Variants in SMAD2 observed in about 807,000 individuals in gnomAD.
SMAD2 encodes MAD homolog 2.
SMAD2 carries 8 observed loss-of-function variants against 64.4 expected under a neutral mutation model. The ratio of observed to expected loss-of-function variants is 0.12; its 90% CI spans 0.07 to 0.22. The LOEUF is 0.22. Ranked by LOEUF, SMAD2 falls within the 10% of genes least tolerant of loss-of-function variation. The pLI, the probability that SMAD2 is intolerant of heterozygous loss-of-function variation, is 1.00. For missense variants in SMAD2, 289 were observed against 561.2 expected (o/e 0.51, Z 4.90); for synonymous variants, 203 against 195.8 (o/e 1.04, Z -0.31).
chr18:47,891,299 C>CT (rs1264834166), intron 2 of SMAD2, among the ~76,000 whole-genome samples: 24 of 152,260 alleles, frequency 1.6e-4, no homozygotes, highest in East Asian at 1.2e-3. Flanking sequence ...GAGCAAAACT[C>CT]TGTCTCGTTT....
intron 6 of SMAD2, among the ~76,000 whole-genome samples, chr18:47,862,528 A>AT (rs1411242778): frequency 1.3e-5 from 2 of 152,204 alleles, no homozygotes; most frequent in African/African-American, 4.8e-5. Context: ...TTCATATAGC[A>AT]CATTCCTCCC....
intron 1 of SMAD2, among the ~76,000 whole-genome samples, chr18:47,928,795 C>T (rs775697623): frequency 6.6e-5 from 10 of 152,182 alleles, no homozygotes; most frequent in Non-Finnish European, 1.3e-4. Flanking sequence ...CAATTTCTTA[C>T]TAAAACCCCA....
chr18:47,918,917 G>A (rs1237427326), intron 1 of SMAD2, among the ~76,000 whole-genome samples: 1 of 152,086 alleles, frequency 6.6e-6, no homozygotes, highest in African/African-American at 2.4e-5. Context: ...CAGAGTAGGG[G>A]AGTCAAATAG....
Position 47,816,738 on chromosome 18 carries a change from C to G in SMAD2, c.*25089G>C, listed in dbSNP as rs1388925538. The G allele has an allele frequency of 6.6e-6, 1 of 151,242 alleles. No individual in the cohort carries two copies. Among genetic ancestry groups the G allele is most frequent in the Non-Finnish European group, 1.5e-5 (1 of 67,904 alleles). 9.4% of individuals were successfully genotyped at this position (151,242 alleles called of 1,614,324 possible). A position where few individuals can be genotyped will look rare whatever the true frequency, so the allele number is the denominator to read the frequency against. On this transcript the variant is annotated 3_prime_UTR_variant, in exon 11 of 11. Coordinates refer to ENST00000262160, the MANE Select transcript of SMAD2 (RefSeq NM_005901.6). Reference sequence around the variant, plus strand: ...TTGTCTTCCTTTACTTCCCTGAATACACACGTAGTTTACCATGACATGGGT... The same window carrying G: ...TTGTCTTCCTTTACTTCCCTGAATAGACACGTAGTTTACCATGACATGGGT...
At chr18:47,890,455 AAAAC>A (rs1268473722) in intron 2 of SMAD2, among the ~76,000 whole-genome samples, 3 of 152,226 alleles carry the variant, frequency 2.0e-5, no homozygotes, top group African/African-American at 7.2e-5. Flanking sequence ...GTTCTCCTGA[AAAAC>A]AAAAATAGAG....
At chr18:47,879,999 C>G (rs1237940426) in intron 2 of SMAD2, among the ~76,000 whole-genome samples, 2 of 152,176 alleles carry the variant, frequency 1.3e-5, no homozygotes, top group Non-Finnish European at 2.9e-5. Context: ...TAGCCAACTA[C>G]TGTCCATTTT....
In SMAD2 at chr18:47,824,375, C is replaced by A. The variant is rs528300179; in HGVS notation, c.*17452G>T. Reference sequence around the variant, plus strand: ...TACTTTTGGGACATCTGCCTAGAAGCCGATTGTCCAAACCCGAACTGGCAG... The same window carrying A: ...TACTTTTGGGACATCTGCCTAGAAGACGATTGTCCAAACCCGAACTGGCAG... On this transcript the variant is annotated 3_prime_UTR_variant, in exon 11 of 11. Transcript: ENST00000262160. 6.6e-6 allele frequency: 1 copy of A among 152,206 alleles called. No individual in the cohort carries two copies. Among genetic ancestry groups the A allele is most frequent in the Admixed American group, 6.5e-5 (1 of 15,278 alleles). The allele number at this position is 152,206 out of a possible 1,614,324, so 9.4% of individuals were successfully genotyped here.
At chr18:47,869,849 T>C (rs1426353981) in intron 3 of SMAD2, among the ~76,000 whole-genome samples, 2 of 152,162 alleles carry the variant, frequency 1.3e-5, no homozygotes, top group East Asian at 1.9e-4. Context: ...GTGTGAAGAA[T>C]GATAAATACC....
chr18:47,895,878 T>C (rs1261514004), intron 2 of SMAD2, among the ~76,000 whole-genome samples: 2 of 152,254 alleles, frequency 1.3e-5, no homozygotes, highest in African/African-American at 4.8e-5. Flanking sequence ...ATCTGTAATG[T>C]ACACAAGTAG....
chr18:47,836,215 C>T lies in SMAD2; in HGVS notation c.*5612G>A, dbSNP rs1913399115. On this transcript the variant is annotated 3_prime_UTR_variant, in exon 11 of 11. Coordinates refer to ENST00000262160, the MANE Select transcript of SMAD2 (RefSeq NM_005901.6). ...AAAATTTGACCTTGTAGTAGTATTTCCCAGGGTAACTTAAGCAGCAACCTT... is the reference window on the plus strand; with the variant it reads ...AAAATTTGACCTTGTAGTAGTATTTTCCAGGGTAACTTAAGCAGCAACCTT... The T allele has an allele frequency of 4.5e-6, 1 of 223,500 alleles. No homozygotes were observed. The highest frequency in any genetic ancestry group is 5.7e-5 in the Admixed American group (1 of 17,444). The allele number at this position is 223,500 out of a possible 1,614,324, so 13.8% of individuals were successfully genotyped here.
At chr18:47,911,351 G>GA (rs757456034) in intron 1 of SMAD2, among the ~76,000 whole-genome samples, 11,573 of 118,530 alleles carry the variant, frequency 0.098, 531 homozygotes, top group Middle Eastern at 0.13. Context: ...ACTCCATCTG[G>GA]AAAAAAAAAA....
rs1299539911 is a variant in SMAD2 at position 47,811,738 on chromosome 18, C to CA, written c.*30088dup. 1.3e-5 allele frequency: 2 copies of CA among 152,048 alleles called. No individual in the cohort carries two copies. The highest frequency in any genetic ancestry group is 2.9e-5 in the Non-Finnish European group (2 of 68,018). 9.4% of individuals were successfully genotyped at this position (152,048 alleles called of 1,614,324 possible). A position where few individuals can be genotyped will look rare whatever the true frequency, so the allele number is the denominator to read the frequency against. On this transcript the variant is annotated 3_prime_UTR_variant, in exon 11 of 11. Transcript: ENST00000262160. Reference sequence around the variant, plus strand: ...AAAGAGCAGGGTGGAGGAAACATACCATGCATTTCAAGGAAAACAACTTAA... The same window carrying CA: ...AAAGAGCAGGGTGGAGGAAACATACCAATGCATTTCAAGGAAAACAACTTAA...
intron 6 of SMAD2, among the ~76,000 whole-genome samples, chr18:47,856,693 C>G (rs1244618129): frequency 6.6e-6 from 1 of 152,104 alleles, no homozygotes; most frequent in African/African-American, 2.4e-5. Flanking sequence ...ATCTGACATC[C>G]TACTGAATTT....
rs1912550147 is a variant in SMAD2 at position 47,820,904 on chromosome 18, C to CT, written c.*20922_*20923insA. ...ATGCTATACATGCACTATACACACA[C>CT]ACACACACACACACACACACACACA... On this transcript the variant is annotated 3_prime_UTR_variant, in exon 11 of 11. Transcript: ENST00000262160. 3.6e-5 allele frequency: 1 copy of CT among 27,596 alleles called. No homozygotes were observed. Among genetic ancestry groups the CT allele is most frequent in the Non-Finnish European group, 7.5e-5 (1 of 13,260 alleles). 1.7% of individuals were successfully genotyped at this position (27,596 alleles called of 1,614,324 possible). A position where few individuals can be genotyped will look rare whatever the true frequency, so the allele number is the denominator to read the frequency against.
chr18:47,873,560 A>G (rs2032073934), intron 2 of SMAD2, among the ~76,000 whole-genome samples: 1 of 152,254 alleles, frequency 6.6e-6, no homozygotes, highest in Non-Finnish European at 1.5e-5. Flanking sequence ...TCAATAATTA[A>G]AACAGTATGC....
rs1414814314 is a variant in SMAD2, at chr18:47,868,405, CG to C, written c.572del (p.Pro191ArgfsTer47). On this transcript the variant is annotated frameshift_variant, in exon 5 of 11. Coordinates refer to ENST00000262160, the MANE Select transcript of SMAD2 (RefSeq NM_005901.6). LOFTEE classifies it high-confidence loss of function. ...PRHTEILTEL[P>X]PLDDYTHSIP... ...TGGAGTGAGTATAGTCATCCAGAGG[CG>C]GAAGTTCTGTTAGGATCTCGGTGTG... 6.2e-7 allele frequency: 1 copy of C among 1,609,164 alleles called. No individual in the cohort carries two copies. Among genetic ancestry groups the C allele is most frequent in the Non-Finnish European group, 8.5e-7 (1 of 1,176,638 alleles).
chr18:47,858,729 T>C (rs1030158285), intron 6 of SMAD2, among the ~76,000 whole-genome samples: 1 of 152,098 alleles, frequency 6.6e-6, no homozygotes, highest in Non-Finnish European at 1.5e-5. Context: ...ATAACATAAG[T>C]ACAATGTAAT....
chr18:47,926,855 G>C (rs1407448662), intron 1 of SMAD2, among the ~76,000 whole-genome samples: 1 of 152,166 alleles, frequency 6.6e-6, no homozygotes, highest in Non-Finnish European at 1.5e-5. Flanking sequence ...TATATCTCAG[G>C]CAATGTTCTA....
At chr18:47,917,322 A>G (rs779990859) in intron 1 of SMAD2, among the ~76,000 whole-genome samples, 4 of 152,212 alleles carry the variant, frequency 2.6e-5, no homozygotes, top group African/African-American at 4.8e-5. Flanking sequence ...TACACCTAGT[A>G]TATCTTTTCC....
Sources: allele counts gnomAD v4.1 joint callset (sites outside exome capture counted in the v4.1 genomes callset), GRCh38; gene constraint gnomAD v4.1.1; transcripts MANE v1.5; gene names NCBI Gene and HGNC (gene_info 2026-07-23, HGNC 2026-07-21).